RYR3: variants seen among roughly 807,000 people sequenced by gnomAD.
RYR3 encodes the protein ryanodine receptor 3.
A neutral mutation model predicts 584.3 loss-of-function variants in RYR3; 207 were observed. The ratio of observed to expected loss-of-function variants is 0.35; its 90% confidence interval spans 0.32 to 0.40. RYR3 has a LOEUF of 0.40. RYR3 is among the 10% of genes least tolerant of loss of function. RYR3 has a pLI of 1.00. For missense variants in RYR3, 5,616 were observed against 6,089.2 expected, an observed-to-expected ratio of 0.92 and a Z score of 2.59; for synonymous variants, 2,416 against 2,248.5, an observed-to-expected ratio of 1.07 and a Z score of -2.11.
chr15:33,368,402 T>C (rs907923123), intron 1 of RYR3, among the ~76,000 whole-genome samples: 1 of 145,414 alleles, frequency 6.9e-6, no homozygotes, highest in Non-Finnish European at 1.5e-5. Flanking sequence ...GGATAACTAG[T>C]CTGCTTCTCT....
At chr15:33,539,525 C>T (rs951677660) in intron 6 of RYR3, 63 bp downstream of exon 6, 3 of 947,410 alleles carry the variant, frequency 3.2e-6, no homozygotes, top group Non-Finnish European at 5.0e-6. Flanking sequence ...GAATAGATGG[C>T]CATGAAGAAC....
At chr15:33,748,881 T>C (rs1452734626) in intron 55 of RYR3, among the ~76,000 whole-genome samples, 1 of 152,168 alleles carries the variant, frequency 6.6e-6, no homozygotes, top group African/African-American at 2.4e-5. Context: ...TAAAATGGCA[T>C]AGTTTTACCT....
At chr15:33,813,685 ATCC>A in intron 74 of RYR3, 106 bp downstream of exon 74, 1 of 944,472 alleles carries the variant, frequency 1.1e-6, no homozygotes, top group South Asian at 1.5e-5. Context: ...AGAAATTGGA[ATCC>A]TTGGCCTATG....
intron 64 of RYR3, among the ~76,000 whole-genome samples, chr15:33,777,317 C>T (rs529478913): frequency 6.6e-6 from 1 of 152,304 alleles, no homozygotes; most frequent in Admixed American, 6.5e-5. Flanking sequence ...CTGGGGAGCA[C>T]TAATGACCAG....
At chr15:33,653,827 G>A (rs1183945695) in intron 32 of RYR3, among the ~76,000 whole-genome samples, 2 of 152,158 alleles carry the variant, frequency 1.3e-5, no homozygotes, top group Non-Finnish European at 2.9e-5. Context: ...TGATGGCCAG[G>A]TAAGGTTGGG....
At chr15:33,795,826 C>T (rs1422418759) in intron 67 of RYR3, among the ~76,000 whole-genome samples, 3 of 152,124 alleles carry the variant, frequency 2.0e-5, no homozygotes, top group African/African-American at 4.8e-5. Flanking sequence ...CCACCGCACC[C>T]GACCTAAACA....
intron 49 of RYR3, 57 bp downstream of exon 49, chr15:33,736,382 A>G: frequency 8.5e-7 from 1 of 1,175,992 alleles, no homozygotes; most frequent in Non-Finnish European, 1.2e-6. Context: ...CTTGCCTTGT[A>G]ATATGTGATG....
intron 33 of RYR3, 100 bp downstream of exon 33, chr15:33,659,906 C>T: frequency 2.4e-6 from 2 of 821,906 alleles, no homozygotes; most frequent in South Asian, 1.5e-5. Context: ...GAAGCCTGTT[C>T]ACTTCCCATA....
intron 2 of RYR3, among the ~76,000 whole-genome samples, chr15:33,473,929 T>C (rs1053335067): frequency 3.9e-5 from 6 of 152,210 alleles, no homozygotes; most frequent in Non-Finnish European, 8.8e-5. Flanking sequence ...CACAGATGCC[T>C]GAGCCTGTGT....
In RYR3 at chr15:33,825,691, A is replaced by C; in HGVS notation, c.11146+15A>C. Reference sequence around the variant, plus strand: ...AGAAGGAACACGTAAGTAACTAATGAATGTGAAGGCCATTCTCTTCCTGAT... The same window carrying C: ...AGAAGGAACACGTAAGTAACTAATGCATGTGAAGGCCATTCTCTTCCTGAT... On this transcript the variant is annotated intron_variant, in intron 82 of 103. Transcript: ENST00000634891. The C allele has an allele frequency of 7.3e-7, 1 of 1,377,364 alleles. No homozygotes were observed. Among genetic ancestry groups the C allele is most frequent in the Non-Finnish European group, 1.0e-6 (1 of 972,220 alleles). The allele number at this position is 1,377,364 out of a possible 1,614,324, so 85.3% of individuals were successfully genotyped here. A position where few individuals can be genotyped will look rare whatever the true frequency, so the allele number is the denominator to read the frequency against.
intron 2 of RYR3, among the ~76,000 whole-genome samples, chr15:33,494,076 T>C (rs2051205694): frequency 6.8e-6 from 1 of 148,136 alleles, no homozygotes; most frequent in South Asian, 2.2e-4. Flanking sequence ...CTTTGAGGAA[T>C]AGGCAAAGAA....
At chr15:33,707,117 G>A in intron 43 of RYR3, 63 bp downstream of exon 43, 1 of 1,573,060 alleles carries the variant, frequency 6.4e-7, no homozygotes, top group South Asian at 1.1e-5. Context: ...ATACCTACAA[G>A]GAAAAGGATA....
intron 37 of RYR3, 126 bp downstream of exon 37, chr15:33,669,582 C>G: frequency 2.7e-6 from 2 of 740,400 alleles, no homozygotes; most frequent in Middle Eastern, 3.5e-4. Flanking sequence ...TACTGTCTTT[C>G]AAGACGTGAC....
At chr15:33,765,006 G>C (rs1320255751) in intron 60 of RYR3, among the ~76,000 whole-genome samples, 50 of 125,376 alleles carry the variant, frequency 4.0e-4, no homozygotes, top group Non-Finnish European at 6.2e-4. Context: ...ACTCCAGCCT[G>C]GGCAACAGAG....
At position 33,489,531 on chromosome 15, in the gene RYR3, C is replaced by T. The variant is rs143250907; in HGVS notation, c.172-14100C>T. 5.4e-3 allele frequency among the ~76,000 whole-genome samples: 828 copies of T among 152,306 alleles called. 23 individuals carry two copies. Among genetic ancestry groups the T allele is most frequent in the South Asian group, 3.9e-3 (19 of 4,822 alleles). On this transcript the variant is annotated intron_variant, in intron 2 of 103. Coordinates refer to ENST00000634891, the MANE Select transcript of RYR3 (RefSeq NM_001036.6). ...GCTCCATCCATGTTCCCACAAAAGA[C>T]GTAACATCGCTCTTTTTTATGGCTG...
At chr15:33,343,179 G>A (rs747552716) in intron 1 of RYR3, among the ~76,000 whole-genome samples, 21 of 152,138 alleles carry the variant, frequency 1.4e-4, no homozygotes, top group Non-Finnish European at 2.5e-4. Flanking sequence ...TTACAGCATC[G>A]TCATGGAATA....
At chr15:33,399,734 A>G (rs763378664) in intron 1 of RYR3, among the ~76,000 whole-genome samples, 27 of 152,180 alleles carry the variant, frequency 1.8e-4, no homozygotes, top group Non-Finnish European at 3.2e-4. Context: ...GAACAATGAC[A>G]TGGTAGCTAA....
At chr15:33,729,096 C>A in intron 47 of RYR3, 70 bp downstream of exon 47, 1 of 1,312,602 alleles carries the variant, frequency 7.6e-7, no homozygotes, top group Non-Finnish European at 1.1e-6. Flanking sequence ...GACTTCGAAG[C>A]AAATATTTTC....
At chr15:33,769,203 C>T (rs547132334) in intron 62 of RYR3, 31 bp downstream of exon 62, 1 of 1,487,642 alleles carries the variant, frequency 6.7e-7, no homozygotes, top group South Asian at 1.1e-5. Flanking sequence ...CCAATAGTTT[C>T]TCATGACTTC....
Sources: allele counts gnomAD v4.1 joint callset (sites outside exome capture counted in the v4.1 genomes callset), GRCh38; gene constraint gnomAD v4.1.1; transcripts MANE v1.5; gene names NCBI Gene and HGNC (gene_info 2026-07-23, HGNC 2026-07-21).